ACP6: variants seen among roughly 807,000 people sequenced by gnomAD.
ACP6 encodes acid phosphatase 6, lysophosphatidic.
ACP6 carries 48 observed loss-of-function variants against 48.1 expected under a neutral mutation model. The observed-to-expected ratio is 1.00, with a 90% confidence interval of 0.79 to 1.27. The LOEUF (loss-of-function observed/expected upper bound fraction) is 1.27. ACP6 is among the 50% of genes most tolerant of loss of function. The pLI is 0.00. For synonymous variants in ACP6, 172 were observed against 204.2 expected (o/e 0.84, Z 1.34); for missense variants, 485 against 529.1 (o/e 0.92, Z 0.82).
At chr1:147,648,202 G>A (rs782420040) in intron 9 of ACP6, 44 bp downstream of exon 9, 7 of 1,607,490 alleles carry the variant, frequency 4.4e-6, no homozygotes, top group Non-Finnish European at 6.0e-6. Flanking sequence ...GGGTTTTGCA[G>A]GAGGGTGCCT....
At position 147,629,709 on chromosome 1, in the gene ACP6, C is replaced by T. The variant is rs587610728; in HGVS notation, c.*1344G>A. The T allele has an allele frequency of 5.3e-5, 8 of 152,182 alleles. No homozygotes were observed. The South Asian group carries it at 1.7e-3, about 32-fold the overall frequency. The allele number at this position is 152,182 out of a possible 1,614,324, so 9.4% of individuals were successfully genotyped here. ...TTTAAAGCAATAAGTATATAAAGCA[C>T]AAAACCAGTGGGTGGCCAAACATTT... On this transcript the variant is annotated 3_prime_UTR_variant, in exon 6 of 6. Coordinates refer to the ACP6 transcript ENST00000609196.
At position 147,658,835 on chromosome 1, in the gene ACP6, C is replaced by T. The variant is rs1196026633; in HGVS notation, c.559+125G>A. On this transcript the variant is annotated intron_variant, in intron 4 of 9. Coordinates refer to ENST00000583509, the MANE Select transcript of ACP6 (RefSeq NM_016361.5). ...AAAGACCCACTGGACTAGGTACACA[C>T]TGGAAGTCACACATGCAGGAGAAAA... The T allele has an allele frequency of 4.5e-6, 4 of 882,714 alleles. No individual in the cohort carries two copies. The African/African-American group carries it at 6.7e-5, about 15-fold the overall frequency. 54.7% of individuals were successfully genotyped at this position (882,714 alleles called of 1,614,324 possible). A position where few individuals can be genotyped will look rare whatever the true frequency, so the allele number is the denominator to read the frequency against.
In ACP6 at chr1:147,670,287, T is replaced by C. The variant is rs587692359; in HGVS notation, c.-239A>G. 2.2e-6 allele frequency: 1 copy of C among 449,696 alleles called. No homozygotes were observed. Among genetic ancestry groups the C allele is most frequent in the African/African-American group, 2.0e-5 (1 of 50,578 alleles). The allele number at this position is 449,696 out of a possible 1,614,324, so 27.9% of individuals were successfully genotyped here. ...GAGTCCCTGGGAGTTTTAACCCGGG[T>C]CGGGGTTGGTCGCTCCTGCTGCACA... On this transcript the variant is annotated 5_prime_UTR_variant, in exon 1 of 10. Coordinates refer to ENST00000583509, the MANE Select transcript of ACP6 (RefSeq NM_016361.5).
intron 5 of ACP6, among the ~76,000 whole-genome samples, chr1:147,635,105 G>A (rs587748168): frequency 1.3e-5 from 2 of 152,202 alleles, no homozygotes; most frequent in African/African-American, 4.8e-5. Context: ...TCATTTTATG[G>A]GTTTTAAAAA....
chr1:147,641,411 C>T (rs1015178273), downstream of ACP6, among the ~76,000 whole-genome samples: 1 of 152,182 alleles, frequency 6.6e-6, no homozygotes, highest in African/African-American at 2.4e-5. Context: ...TAATGACAGT[C>T]CTTCATCCCA....
intron 1 of ACP6, among the ~76,000 whole-genome samples, chr1:147,668,271 T>C (rs919655003): frequency 6.6e-6 from 1 of 152,154 alleles, no homozygotes; most frequent in Non-Finnish European, 1.5e-5. Context: ...ATTTTGTGGC[T>C]ACACAGATTG....
At chr1:147,650,528 G>A (rs782728433) in intron 7 of ACP6, 11 of 301,526 alleles carry the variant, frequency 3.6e-5, no homozygotes, top group Non-Finnish European at 5.5e-5. Context: ...TGGATAAGCC[G>A]TGACCAACTA....
chr1:147,659,192 GC>G (rs1232880763), intron 3 of ACP6, 153 bp from the exon 4 acceptor site: 3 of 1,043,228 alleles, frequency 2.9e-6, no homozygotes, highest in Non-Finnish European at 4.1e-6. Flanking sequence ...TGGGATGTCA[GC>G]CCCTGAGAGA....
chr1:147,632,637 A>C (rs1232665381), intron 5 of ACP6, among the ~76,000 whole-genome samples: 5 of 152,080 alleles, frequency 3.3e-5, no homozygotes, highest in African/African-American at 1.2e-4. Flanking sequence ...GGAGGGAAGA[A>C]TGAATAGCCC....
At chr1:147,667,371 C>A (rs587607445) in intron 1 of ACP6, among the ~76,000 whole-genome samples, 79 of 152,138 alleles carry the variant, frequency 5.2e-4, no homozygotes, top group African/African-American at 1.9e-3. Context: ...GCGCCCACCA[C>A]CACACCGGGC....
chr1:147,657,765 G>C (rs1265170134), intron 4 of ACP6, among the ~76,000 whole-genome samples: 2 of 152,124 alleles, frequency 1.3e-5, no homozygotes, highest in Non-Finnish European at 2.9e-5. Context: ...GAAAGGCATG[G>C]AAGTAGCTAC....
chr1:147,664,070 A>T (rs1660680640), intron 1 of ACP6, among the ~76,000 whole-genome samples: 1 of 152,070 alleles, frequency 6.6e-6, no homozygotes, highest in African/African-American at 2.4e-5. Flanking sequence ...CTTGGCATCT[A>T]GGGAGCCCTC....
chr1:147,663,913 T>C lies in ACP6; in HGVS notation c.220-4138A>G, dbSNP rs587764453. Among the ~76,000 whole-genome samples, 6 of 864 alleles carry C rather than the reference T, an allele frequency of 6.9e-3. No individual in the cohort carries two copies. In the East Asian group the frequency reaches 0.14, roughly 21 times the overall value. 0.6% of individuals were successfully genotyped at this position (864 alleles called of 152,430 possible). A position where few individuals can be genotyped will look rare whatever the true frequency, so the allele number is the denominator to read the frequency against. Reference sequence around the variant, plus strand: ...TAAATCTGAATTCCTATAACATTGATAACAAAAAAAATTTAACTCAATTTC... The same window carrying C: ...TAAATCTGAATTCCTATAACATTGACAACAAAAAAAATTTAACTCAATTTC... On this transcript the variant is annotated intron_variant, in intron 1 of 9. Transcript: ENST00000583509.
intron 1 of ACP6, among the ~76,000 whole-genome samples, chr1:147,662,272 C>T (rs1553212921): frequency 1.3e-5 from 2 of 150,168 alleles, no homozygotes; most frequent in Non-Finnish European, 1.5e-5. Context: ...CAGCCCATGG[C>T]CCAAGGAGTA....
At position 147,647,661 on chromosome 1, in the gene ACP6, T is replaced by C. The variant is rs761371615; in HGVS notation, c.1144-95A>G. On this transcript the variant is annotated intron_variant, in intron 9 of 9. Transcript: ENST00000583509. ...GAGATCTGAGAGGCTCTGATCCATG[T>C]GGTATACATGTGCATACATATTACA... 3.2e-4 allele frequency: 474 copies of C among 1,462,736 alleles called. 1 individual carries two copies. The highest frequency in any genetic ancestry group is 6.3e-4 in the South Asian group (48 of 76,134). 90.6% of individuals were successfully genotyped at this position (1,462,736 alleles called of 1,614,324 possible).
chr1:147,664,384 A>G (rs946905), intron 1 of ACP6, among the ~76,000 whole-genome samples: 10,010 of 152,138 alleles, frequency 0.066, 906 homozygotes, highest in African/African-American at 0.21. Flanking sequence ...GCCTTTCAGT[A>G]TCATGTTTCT....
Position 147,647,155 on chromosome 1 carries a change from G to C in ACP6, c.*268C>G. The stretch of plus-strand genomic sequence containing the variant: ...TCCAAAACCGACACAATTCTACAGG[G>C]TCATGATGTCCCCAGCCCGTGTCAC... On this transcript the variant is annotated 3_prime_UTR_variant, in exon 10 of 10. Transcript: ENST00000583509. 1 of 390,986 alleles carries C rather than the reference G, an allele frequency of 2.6e-6. No individual in the cohort carries two copies. The allele number at this position is 390,986 out of a possible 1,614,324, so 24.2% of individuals were successfully genotyped here.
Position 147,670,218 on chromosome 1 carries a change from C to A in ACP6, c.-170G>T. On this transcript the variant is annotated 5_prime_UTR_variant, in exon 1 of 10. Coordinates refer to ENST00000583509, the MANE Select transcript of ACP6 (RefSeq NM_016361.5). The stretch of plus-strand genomic sequence containing the variant: ...TGTGCCTCCCGGCCCTGAGGGAGAC[C>A]CCGAGTGGGAACGGGGGAGAGAACA... 1 of 610,846 alleles carries A rather than the reference C, an allele frequency of 1.6e-6. No individual in the cohort carries two copies. Among genetic ancestry groups the A allele is most frequent in the Non-Finnish European group, 2.8e-6 (1 of 356,718 alleles). 37.8% of individuals were successfully genotyped at this position (610,846 alleles called of 1,614,324 possible). A position where few individuals can be genotyped will look rare whatever the true frequency, so the allele number is the denominator to read the frequency against.
At chr1:147,664,216 T>C (rs1660687816) in intron 1 of ACP6, among the ~76,000 whole-genome samples, 2 of 152,162 alleles carry the variant, frequency 1.3e-5, no homozygotes, top group South Asian at 4.1e-4. Context: ...CTGCTCCCTC[T>C]TTCTGACCCT....
Sources: allele counts gnomAD v4.1 joint callset (sites outside exome capture counted in the v4.1 genomes callset), GRCh38; gene constraint gnomAD v4.1.1; transcripts MANE v1.5; gene names NCBI Gene and HGNC (gene_info 2026-07-23, HGNC 2026-07-21).